HAPLN3: variants seen among roughly 807,000 people sequenced by gnomAD.
The protein encoded by HAPLN3 is hyaluronan and proteoglycan link protein 3, also known as extracellular link domain containing, 1.
A neutral mutation model predicts 28.1 loss-of-function variants in HAPLN3; 28 were observed. The observed-to-expected ratio is 1.00, with a 90% CI of 0.74 to 1.37. HAPLN3 has a LOEUF of 1.37. Ranked by LOEUF, HAPLN3 falls within the 40% of genes most tolerant of loss-of-function variation. The probability of loss-of-function intolerance (pLI) is 0.00; values close to 1 mark genes in which losing one functional copy is unlikely to be tolerated. For synonymous variants in HAPLN3, 211 were observed against 213.1 expected (o/e 0.99, Z 0.09); for missense variants, 513 against 504.6 (o/e 1.02, Z -0.16).
chr15:88,877,929 C>A lies in HAPLN3; in HGVS notation c.*41G>T. ...GGGAAAACGAACCACTCAATAAATA[C>A]ACAGCCAGTGAGGGAATGCGGCAGG... On this transcript the variant is annotated 3_prime_UTR_variant, in exon 5 of 5. Transcript: ENST00000359595. The surrounding 1 kb of genome is among the most constrained non-coding windows in gnomAD (Gnocchi z 5.1). 1 of 1,536,696 alleles carries A rather than the reference C, an allele frequency of 6.5e-7. No homozygotes were observed. The highest frequency in any genetic ancestry group is 1.3e-5 in the South Asian group (1 of 78,578).
Position 88,878,231 on chromosome 15 carries a change from AG to A in HAPLN3, c.821del (p.Pro274LeufsTer4). The A allele has an allele frequency of 6.2e-7, 1 of 1,613,734 alleles. No homozygotes were observed. The highest frequency in any genetic ancestry group is 8.5e-7 in the Non-Finnish European group (1 of 1,179,802). ...LKGRVYYLEHPEKLTLTEARE... is the reference protein window; with the variant it reads ...LKGRVYYLEHXEKLTLTEARE... ...TTGCCTCTGTCAGCGTCAGCTTCTC[AG>A]GGTGCTCCAGGTAGTACACCCGCCC... On this transcript the variant is annotated frameshift_variant, in exon 5 of 5. Transcript: ENST00000359595. LOFTEE classifies it low-confidence loss of function (END_TRUNC).
rs772237489 is a variant in HAPLN3 at position 88,881,349 on chromosome 15, C to G, written c.493+8G>C. On this transcript the variant is annotated splice_region_variant and intron_variant, in intron 3 of 4. Coordinates refer to ENST00000359595, the MANE Select transcript of HAPLN3 (RefSeq NM_178232.4). This position sits in a 1 kb window ranked among gnomAD's most constrained non-coding sequence, Gnocchi z 6.0. ...CCCAGTGTCACCCAGTCCCCGTTAG[C>G]ATCTCACCCCGCAGCTCCAGCTCCA... is the stretch of plus-strand genomic sequence containing the variant. 1 of 1,605,764 alleles carries G rather than the reference C, an allele frequency of 6.2e-7. No homozygotes were observed. Among genetic ancestry groups the G allele is most frequent in the Admixed American group, 1.7e-5 (1 of 59,646 alleles).
chr15:88,887,809 CA>C (rs1265584401), intron 1 of HAPLN3, among the ~76,000 whole-genome samples: 1 of 151,776 alleles, frequency 6.6e-6, no homozygotes, highest in Non-Finnish European at 1.5e-5. Flanking sequence ...ACTAAAAATA[CA>C]AAATTAGCCA....
rs1897639075 is a variant in HAPLN3, at chr15:88,879,541, C to T, written c.494-272G>A. Reference sequence around the variant, plus strand: ...CCCCAACAATGTCCCCAACCTAATCCGCAAGGCTGTCGCCAGACCCCCAGT... The same window carrying T: ...CCCCAACAATGTCCCCAACCTAATCTGCAAGGCTGTCGCCAGACCCCCAGT... On this transcript the variant is annotated intron_variant, in intron 3 of 4. Transcript: ENST00000359595. This position sits in a 1 kb window ranked among gnomAD's most constrained non-coding sequence, Gnocchi z 5.0. 2.0e-5 allele frequency: 29 copies of T among 1,442,792 alleles called. No homozygotes were observed. The highest frequency in any genetic ancestry group is 4.2e-5 in the African/African-American group (3 of 71,100). The allele number at this position is 1,442,792 out of a possible 1,614,324, so 89.4% of individuals were successfully genotyped here. A position where few individuals can be genotyped will look rare whatever the true frequency, so the allele number is the denominator to read the frequency against.
In HAPLN3 at chr15:88,878,253, C is replaced by A. The variant is rs142655899; in HGVS notation, c.800G>T (p.Arg267Leu). Residue 267 changes from arginine to leucine, a missense_variant, in exon 5 of 5, where the codon CGG (arginine) becomes CTG (leucine). By Grantham distance (102) the Arg-to-Leu change is moderately radical. Coordinates refer to ENST00000359595, the MANE Select transcript of HAPLN3 (RefSeq NM_178232.4). ...VFCFATALKGRVYYLEHPEKL... is the reference protein window; with the variant it reads ...VFCFATALKGLVYYLEHPEKL... ...CTCAGGGTGCTCCAGGTAGTACACC[C>A]GCCCTGGGGGAAAGGGGGCGTGAGT... is the stretch of plus-strand genomic sequence containing the variant. 1.2e-6 allele frequency: 2 copies of A among 1,610,124 alleles called. No individual in the cohort carries two copies. The highest frequency in any genetic ancestry group is 1.7e-5 in the Admixed American group (1 of 59,870).
At chr15:88,878,606 C>A (rs1474641773) in intron 4 of HAPLN3, among the ~76,000 whole-genome samples, 1 of 152,230 alleles carries the variant, frequency 6.6e-6, no homozygotes, top group South Asian at 2.1e-4. Context: ...GCATATGACA[C>A]TGAACCAGTT....
At chr15:88,890,148 A>C (rs961726021) in intron 1 of HAPLN3, among the ~76,000 whole-genome samples, 1 of 152,120 alleles carries the variant, frequency 6.6e-6, no homozygotes, top group Non-Finnish European at 1.5e-5. Context: ...TTTCCAGAAC[A>C]GTTAGGAGCT....
At position 88,881,344 on chromosome 15, in the gene HAPLN3, G is replaced by A. The variant is rs1367700316; in HGVS notation, c.493+13C>T. ...CAGGTCCCAGTGTCACCCAGTCCCC[G>A]TTAGCATCTCACCCCGCAGCTCCAG... On this transcript the variant is annotated intron_variant, in intron 3 of 4. Transcript: ENST00000359595. The surrounding 1 kb of genome is among the most constrained non-coding windows in gnomAD (Gnocchi z 6.0). 1.8e-5 allele frequency: 29 copies of A among 1,603,548 alleles called. No individual in the cohort carries two copies. The highest frequency in any genetic ancestry group is 1.3e-4 in the Admixed American group (8 of 59,534).
chr15:88,879,620 G>A lies in HAPLN3; in HGVS notation c.494-351C>T, dbSNP rs1316232778. 4 of 1,272,268 alleles carry A rather than the reference G, an allele frequency of 3.1e-6. No individual in the cohort carries two copies. The highest frequency in any genetic ancestry group is 4.0e-6 in the Non-Finnish European group (4 of 988,294). The allele number at this position is 1,272,268 out of a possible 1,614,324, so 78.8% of individuals were successfully genotyped here. A position where few individuals can be genotyped will look rare whatever the true frequency, so the allele number is the denominator to read the frequency against. On this transcript the variant is annotated intron_variant, in intron 3 of 4. Transcript: ENST00000359595. This position sits in a 1 kb window ranked among gnomAD's most constrained non-coding sequence, Gnocchi z 5.0. ...CCGGGCTTTGGGCTCTAGGGGCCAG[G>A]TTTGACTCCCAGCTCCCCACTCGTT...
rs1897567818 is a variant in HAPLN3, at chr15:88,877,806, A to G, written c.*164T>C. 1.4e-6 allele frequency: 1 copy of G among 698,892 alleles called. No homozygotes were observed. The highest frequency in any genetic ancestry group is 3.2e-5 in the Admixed American group (1 of 31,500). 43.3% of individuals were successfully genotyped at this position (698,892 alleles called of 1,614,324 possible). A position where few individuals can be genotyped will look rare whatever the true frequency, so the allele number is the denominator to read the frequency against. ...GGGGCATCCAGGAGCAAAGGGAGGC[A>G]TTGGGTTCTGTTTGCTTTACAAAAA... On this transcript the variant is annotated 3_prime_UTR_variant, in exon 5 of 5. Coordinates refer to ENST00000359595, the MANE Select transcript of HAPLN3 (RefSeq NM_178232.4). The surrounding 1 kb of genome is among the most constrained non-coding windows in gnomAD (Gnocchi z 5.1).
intron 2 of HAPLN3, among the ~76,000 whole-genome samples, chr15:88,884,336 G>T (rs189823935): frequency 1.1e-4 from 16 of 152,158 alleles, no homozygotes; most frequent in Non-Finnish European, 8.8e-5. Flanking sequence ...AGGCCAAGGC[G>T]GGCGGATCAG....
chr15:88,891,810 T>C (rs1045496222), intron 1 of HAPLN3, among the ~76,000 whole-genome samples: 1 of 152,162 alleles, frequency 6.6e-6, no homozygotes, highest in African/African-American at 2.4e-5. Flanking sequence ...CACAGCCCAG[T>C]GGCCCAGAGC....
intron 2 of HAPLN3, among the ~76,000 whole-genome samples, chr15:88,883,918 A>C (rs1897775363): frequency 1.3e-5 from 2 of 152,196 alleles, no homozygotes; most frequent in Admixed American, 1.3e-4. Context: ...TCTCTACTAA[A>C]AATACAAAAA....
rs148612564 is a variant in HAPLN3, at chr15:88,881,422, C to T, written c.428G>A (p.Arg143His). 252 of 1,614,000 alleles carry T rather than the reference C, an allele frequency of 1.6e-4. 3 individuals carry two copies. Among genetic ancestry groups the T allele is most frequent in the South Asian group, 6.3e-4 (57 of 91,086 alleles). Residue 143 changes from arginine to histidine, a missense_variant, in exon 3 of 5, where the codon CGT (arginine) becomes CAT (histidine). Physicochemically the swap from Arg to His is conservative, Grantham distance 29. Transcript: ENST00000359595. The surrounding 1 kb of genome is among the most constrained non-coding windows in gnomAD (Gnocchi z 6.0). The part of the protein sequence containing the change: ...IQDLRLEDYG[R>H]YRCEVIDGLE... ...CCCGTCAATGACCTCACAGCGGTAA[C>T]GCCCATAGTCCTCCAGCCGCAGATC...
Position 88,895,516 on chromosome 15 carries a change from C to G in HAPLN3, c.-105G>C, listed in dbSNP as rs1898136311. 6.6e-6 allele frequency: 1 copy of G among 152,348 alleles called. No individual in the cohort carries two copies. Among genetic ancestry groups the G allele is most frequent in the African/African-American group, 2.4e-5 (1 of 41,432 alleles). 9.4% of individuals were successfully genotyped at this position (152,348 alleles called of 1,614,324 possible). On this transcript the variant is annotated 5_prime_UTR_variant, in exon 1 of 5. Transcript: ENST00000359595. The surrounding 1 kb of genome is among the most constrained non-coding windows in gnomAD (Gnocchi z 5.5). ...CTCGGGGGCCGCGAGCTGTCCCGGT[C>G]CAAGGCAGCAGTCTGATTTCGGGGA... is the stretch of plus-strand genomic sequence containing the variant.
Position 88,881,542 on chromosome 15 carries a change from A to C in HAPLN3, c.308T>G (p.Val103Gly). Residue 103 changes from valine (V) to glycine (G), a missense_variant, in exon 3 of 5, where the codon GTG becomes GGG. Transcript: ENST00000359595. The surrounding 1 kb of genome is among the most constrained non-coding windows in gnomAD (Gnocchi z 6.0). ...GGAGCGGTGCCTCAGCCCGATGGCC[A>C]CCAGCACGTCCTTCTCTGGGGCCCC... ...ENGAPEKDVL[V>G]AIGLRHRSFG... 6.2e-7 allele frequency: 1 copy of C among 1,614,104 alleles called. No homozygotes were observed. The highest frequency in any genetic ancestry group is 1.7e-5 in the Admixed American group (1 of 60,030).
chr15:88,879,358 G>T lies in HAPLN3; in HGVS notation c.494-89C>A. 1 of 1,583,158 alleles carries T rather than the reference G, an allele frequency of 6.3e-7. No homozygotes were observed. Reference sequence around the variant, plus strand: ...TCTCCTCCCACCTTCACTGGGACATGTGCTGCCTGCAACACACACACATAC... The same window carrying T: ...TCTCCTCCCACCTTCACTGGGACATTTGCTGCCTGCAACACACACACATAC... On this transcript the variant is annotated intron_variant, in intron 3 of 4. Coordinates refer to ENST00000359595, the MANE Select transcript of HAPLN3 (RefSeq NM_178232.4). The surrounding 1 kb of genome is among the most constrained non-coding windows in gnomAD (Gnocchi z 5.0).
Position 88,879,075 on chromosome 15 carries a change from G to T in HAPLN3, c.688C>A (p.Arg230=). ...ATVQYPIMLP[R]QPCGGPGLAP... ...AGGCCCGGGCCACCGCAGGGCTGCC[G>T]GGGCAACATGATGGGGTACTGCACC... Residue 230 remains arginine (R), a synonymous_variant, in exon 4 of 5, where the codon CGG becomes AGG. Transcript: ENST00000359595. This position sits in a 1 kb window ranked among gnomAD's most constrained non-coding sequence, Gnocchi z 5.0. 1 of 1,608,436 alleles carries T rather than the reference G, an allele frequency of 6.2e-7. No individual in the cohort carries two copies. Among genetic ancestry groups the T allele is most frequent in the Non-Finnish European group, 8.5e-7 (1 of 1,177,514 alleles).
In HAPLN3 at chr15:88,879,721, G is replaced by A. The variant is rs1897645115; in HGVS notation, c.494-452C>T. On this transcript the variant is annotated intron_variant, in intron 3 of 4. Coordinates refer to ENST00000359595, the MANE Select transcript of HAPLN3 (RefSeq NM_178232.4). This position sits in a 1 kb window ranked among gnomAD's most constrained non-coding sequence, Gnocchi z 5.0. ...AAATGCAAGGAACTTTCCACGTGTG[G>A]CAGATGATTTTCAGGAGAAGGAGAG... 2 of 1,176,668 alleles carry A rather than the reference G, an allele frequency of 1.7e-6. No individual in the cohort carries two copies. Among genetic ancestry groups the A allele is most frequent in the Non-Finnish European group, 2.1e-6 (2 of 936,366 alleles). The allele number at this position is 1,176,668 out of a possible 1,614,324, so 72.9% of individuals were successfully genotyped here.
Sources: gnomAD v4.1 joint callset for allele counts (sites outside exome capture counted in the v4.1 genomes callset) on GRCh38, gnomAD v4.1.1 for gene constraint, Gnocchi (gnomAD v3.1) non-coding constraint, MANE v1.5 for transcripts, NCBI Gene and HGNC (gene_info 2026-07-23, HGNC 2026-07-21) for gene names.